The following MICAL2 variants were observed in gnomAD, a reference collection of about 807,000 sequenced individuals.
The protein encoded by MICAL2 is [F-actin]-monooxygenase MICAL2.
In MICAL2, 77 loss-of-function variants were observed where a neutral mutation model predicts 127.3. The observed-to-expected ratio is 0.60, with a 90% CI of 0.50 to 0.73. The LOEUF (loss-of-function observed/expected upper bound fraction) is 0.73, where lower values mean the gene tolerates loss of function less well. Among genes scored for constraint, MICAL2 ranks in the 30% least tolerant of loss-of-function variants. MICAL2 has a pLI of 0.00. For missense variants in MICAL2, 1,351 were observed against 1,434.4 expected (o/e 0.94, Z 0.94); for synonymous variants, 570 against 551.1 (o/e 1.03, Z -0.48).
chr11:12,214,375 T>A (rs1172623935), intron 7 of MICAL2, among the ~76,000 whole-genome samples: 2 of 152,222 alleles, frequency 1.3e-5, no homozygotes, highest in Non-Finnish European at 2.9e-5. Flanking sequence ...TTTTCTGTAA[T>A]TTTCCACCAG....
intron 3 of MICAL2, among the ~76,000 whole-genome samples, chr11:12,168,957 AAAAAAAGAAAAG>A (rs1402972866): frequency 8.6e-6 from 1 of 116,126 alleles, no homozygotes; most frequent in Non-Finnish European, 1.9e-5. Flanking sequence ...AAAAAAAAAA[AAAAAAAGAAAAG>A]AAAAGAAAAG....
intron 2 of MICAL2, among the ~76,000 whole-genome samples, chr11:12,145,681 C>T (rs1324805286): frequency 6.6e-6 from 1 of 152,198 alleles, no homozygotes; most frequent in Admixed American, 6.5e-5. Context: ...CTTCGAATAG[C>T]CATTAGTTAT....
chr11:12,297,675 C>A (rs1430246292), intron 29 of MICAL2, among the ~76,000 whole-genome samples: 1 of 151,992 alleles, frequency 6.6e-6, no homozygotes, highest in South Asian at 2.1e-4. Context: ...TAAGTATTTA[C>A]ATCAAGAAAT....
At chr11:12,125,911 T>C (rs4237703) in intron 1 of MICAL2, among the ~76,000 whole-genome samples, 121,283 of 152,210 alleles carry the variant, frequency 0.8, 48,622 homozygotes, top group East Asian at 0.92. Flanking sequence ...GGATGCCTGA[T>C]TGGCTAATGT....
chr11:12,359,943 G>A (rs987449090), downstream of MICAL2, among the ~76,000 whole-genome samples: 4 of 152,000 alleles, frequency 2.6e-5, no homozygotes, highest in Admixed American at 6.6e-5. Context: ...TGTCAGAGAC[G>A]CTCTCTGCAC....
intron 1 of MICAL2, among the ~76,000 whole-genome samples, chr11:12,279,235 A>G (rs1415266472): frequency 6.6e-6 from 1 of 152,136 alleles, no homozygotes; most frequent in Non-Finnish European, 1.5e-5. Flanking sequence ...GCCCAGTCGG[A>G]TATGTATAGA....
chr11:12,262,304 G>C, intron 26 of MICAL2, 176 bp from the exon 27 acceptor site: 2 of 1,448,632 alleles, frequency 1.4e-6, no homozygotes, highest in East Asian at 2.4e-5. Flanking sequence ...CAACCAGAAA[G>C]GTTCATCTCT....
intron 1 of MICAL2, among the ~76,000 whole-genome samples, chr11:12,131,416 C>T (rs1407162489): frequency 6.6e-6 from 1 of 151,932 alleles, no homozygotes; most frequent in East Asian, 1.9e-4. Flanking sequence ...GCTGGCTGGT[C>T]TCCTCTCCTC....
chr11:12,340,667 G>A (rs922291009), intron 32 of MICAL2, among the ~76,000 whole-genome samples: 3 of 152,074 alleles, frequency 2.0e-5, no homozygotes, highest in African/African-American at 7.2e-5. Flanking sequence ...GATAATTTGT[G>A]GTATAGTCAT....
intron 1 of MICAL2, among the ~76,000 whole-genome samples, chr11:12,111,812 A>G (rs946118242): frequency 6.6e-6 from 1 of 152,228 alleles, no homozygotes; most frequent in Non-Finnish European, 1.5e-5. Flanking sequence ...TGTTTGTGCC[A>G]GGTTCCCTGA....
intron 1 of MICAL2, among the ~76,000 whole-genome samples, chr11:12,126,609 C>G (rs1462281785): frequency 6.6e-6 from 1 of 151,780 alleles, no homozygotes; most frequent in African/African-American, 2.4e-5. Context: ...ACTATGTGCC[C>G]TAGGCTCTGT....
intron 27 of MICAL2, 32 bp downstream of exon 27, chr11:12,262,569 T>A (rs1863277456): frequency 6.3e-7 from 1 of 1,579,334 alleles, no homozygotes; most frequent in Middle Eastern, 1.7e-4. Flanking sequence ...TTTCAAAGAG[T>A]GGTACTAACC....
chr11:12,197,689 T>C (rs1860117294), intron 3 of MICAL2: 1 of 152,174 alleles, frequency 6.6e-6, no homozygotes, highest in East Asian at 1.9e-4. Flanking sequence ...CTGAGGATTG[T>C]GCTTAGAACT....
chr11:12,260,160 C>T, intron 26 of MICAL2: 6 of 1,520,198 alleles, frequency 3.9e-6, no homozygotes, highest in Non-Finnish European at 4.4e-6. Context: ...GCTTCCCAGT[C>T]AAGCTCCGCT....
intron 3 of MICAL2, among the ~76,000 whole-genome samples, chr11:12,165,574 C>G (rs948390765): frequency 1.3e-5 from 2 of 152,248 alleles, no homozygotes; most frequent in Non-Finnish European, 2.9e-5. Flanking sequence ...GTAATTCAGC[C>G]AGAACCCCGA....
intron 6 of MICAL2, among the ~76,000 whole-genome samples, chr11:12,209,868 G>A (rs1284317670): frequency 6.6e-6 from 1 of 152,138 alleles, no homozygotes; most frequent in Non-Finnish European, 1.5e-5. Flanking sequence ...GTGTTGTTAT[G>A]CGGGCTGGGA....
intron 2 of MICAL2, chr11:12,287,076 T>C (rs2134774641): frequency 2.5e-6 from 1 of 398,942 alleles, no homozygotes; most frequent in Admixed American, 4.4e-5. Flanking sequence ...TGTCCCTTTC[T>C]TTTTCCACAG....
chr11:12,185,940 TCC>T, intron 3 of MICAL2, among the ~76,000 whole-genome samples: 1 of 152,234 alleles, frequency 6.6e-6, no homozygotes, highest in Non-Finnish European at 1.5e-5. Flanking sequence ...ATGATGTGCT[TCC>T]CAGGCACATA....
intron 1 of MICAL2, among the ~76,000 whole-genome samples, chr11:12,277,893 C>G (rs1390302336): frequency 6.6e-6 from 1 of 152,204 alleles, no homozygotes. Context: ...GGCTACAGAC[C>G]TGCACATTGT....
Sources: allele counts gnomAD v4.1 joint callset (sites outside exome capture counted in the v4.1 genomes callset), GRCh38; gene constraint gnomAD v4.1.1; transcripts MANE v1.5; gene names NCBI Gene and HGNC (gene_info 2026-07-23, HGNC 2026-07-21).